Variants in CBLN2 observed in about 807,000 individuals in gnomAD.
The protein encoded by CBLN2 is cerebellin 2 precursor, also known as cerebellin-2.
In CBLN2, 7 loss-of-function variants were observed where a neutral mutation model predicts 15.0. The ratio of observed to expected loss-of-function variants is 0.47; its 90% confidence interval spans 0.27 to 0.88. The LOEUF is 0.88. Ranked by LOEUF, CBLN2 falls within the 40% of genes least tolerant of loss-of-function variation. The pLI, the probability that CBLN2 is intolerant of heterozygous loss-of-function variation, is 0.14. For synonymous variants in CBLN2, 149 were observed against 135.2 expected (o/e 1.10, Z -0.71); for missense variants, 242 against 304.5 (o/e 0.79, Z 1.53).
chr18:72,563,044 C>T (rs2069271808), intron 1 of CBLN2, among the ~76,000 whole-genome samples: 1 of 152,180 alleles, frequency 6.6e-6, no homozygotes, highest in Admixed American at 6.5e-5. Flanking sequence ...TTAAAATCAG[C>T]ACATATAGAT....
chr18:72,631,970 G>T (rs534013323), intron 1 of CBLN2, among the ~76,000 whole-genome samples: 1 of 151,190 alleles, frequency 6.6e-6, no homozygotes. Flanking sequence ...ATTAAAATTA[G>T]ACTTATCTCC....
intron 1 of CBLN2, among the ~76,000 whole-genome samples, chr18:72,570,821 G>A (rs1199792302): frequency 6.6e-6 from 1 of 152,166 alleles, no homozygotes; most frequent in Non-Finnish European, 1.5e-5. Flanking sequence ...CCTCAGCTGA[G>A]ATTGGCTACT....
At chr18:72,559,049 C>T (rs147734826) in intron 1 of CBLN2, among the ~76,000 whole-genome samples, 1 of 152,252 alleles carries the variant, frequency 6.6e-6, no homozygotes, top group East Asian at 1.9e-4. Flanking sequence ...GAGTGAGACC[C>T]TGTCTCAATT....
intron 1 of CBLN2, among the ~76,000 whole-genome samples, chr18:72,632,140 TACTC>T (rs2069781446): frequency 6.6e-6 from 1 of 152,144 alleles, no homozygotes; most frequent in Non-Finnish European, 1.5e-5. Flanking sequence ...ATAATTTACT[TACTC>T]TTTGTTAAGC....
At chr18:72,624,986 A>T (rs2069725425) in intron 1 of CBLN2, among the ~76,000 whole-genome samples, 1 of 152,228 alleles carries the variant, frequency 6.6e-6, no homozygotes, top group African/African-American at 2.4e-5. Flanking sequence ...TAGGAAAAGT[A>T]AAGAAAAAAA....
intron 1 of CBLN2, among the ~76,000 whole-genome samples, chr18:72,630,651 C>T (rs906108483): frequency 1.3e-5 from 2 of 151,868 alleles, no homozygotes; most frequent in African/African-American, 4.8e-5. Flanking sequence ...TACAAGGACA[C>T]TTAGCCTGTT....
chr18:72,627,756 C>T (rs2069749948), intron 1 of CBLN2, among the ~76,000 whole-genome samples: 1 of 152,144 alleles, frequency 6.6e-6, no homozygotes, highest in Non-Finnish European at 1.5e-5. Context: ...AAGATCAGAG[C>T]CTTTCTAAAA....
At chr18:72,612,387 C>T (rs770092518) in intron 1 of CBLN2, among the ~76,000 whole-genome samples, 1 of 152,176 alleles carries the variant, frequency 6.6e-6, no homozygotes, top group Non-Finnish European at 1.5e-5. Flanking sequence ...TGAACACTCA[C>T]ATTTGTTGTG....
chr18:72,624,933 G>C (rs537518009), intron 1 of CBLN2, among the ~76,000 whole-genome samples: 8 of 152,170 alleles, frequency 5.3e-5, no homozygotes, highest in Non-Finnish European at 1.0e-4. Flanking sequence ...CAATGTATGG[G>C]GCAAATGATA....
At chr18:72,636,316 C>A (rs1323545632) in intron 1 of CBLN2, among the ~76,000 whole-genome samples, 2 of 152,126 alleles carry the variant, frequency 1.3e-5, no homozygotes, top group Non-Finnish European at 2.9e-5. Context: ...ATACAACAAG[C>A]ACAACTGATT....
intron 1 of CBLN2, among the ~76,000 whole-genome samples, chr18:72,595,391 ATAAT>A (rs1473374183): frequency 6.6e-6 from 1 of 152,134 alleles, no homozygotes; most frequent in Admixed American, 6.5e-5. Flanking sequence ...ATCAGAGAAG[ATAAT>A]TAATATAATT....
At chr18:72,552,066 C>G (rs2144882536) in intron 1 of CBLN2, among the ~76,000 whole-genome samples, 1 of 150,612 alleles carries the variant, frequency 6.6e-6, no homozygotes, top group South Asian at 2.1e-4. Context: ...CTGAATTTCA[C>G]TGTTTATTAA....
chr18:72,620,230 G>A (rs2069691071), intron 1 of CBLN2: 1 of 152,254 alleles, frequency 6.6e-6, no homozygotes, highest in Non-Finnish European at 1.5e-5. Flanking sequence ...CACTACTGAG[G>A]GCAAAGGGCC....
intron 1 of CBLN2, among the ~76,000 whole-genome samples, chr18:72,603,557 C>T (rs1349749519): frequency 6.6e-6 from 1 of 152,208 alleles, no homozygotes; most frequent in Admixed American, 6.5e-5. Context: ...TCTTGCCTTG[C>T]TCAGAATAAT....
chr18:72,601,780 C>T (rs531848666), intron 1 of CBLN2, among the ~76,000 whole-genome samples: 3 of 152,254 alleles, frequency 2.0e-5, no homozygotes, highest in Admixed American at 6.5e-5. Flanking sequence ...AGCCTATAAG[C>T]GGGAGGGGGG....
intron 1 of CBLN2, chr18:72,620,602 A>G (rs1043647598): frequency 1.1e-4 from 17 of 152,226 alleles, no homozygotes; most frequent in African/African-American, 4.1e-4. Context: ...TGTTGGTAGT[A>G]TAGGAAAAGG....
chr18:72,597,464 T>C (rs1014908712), intron 1 of CBLN2, among the ~76,000 whole-genome samples: 6 of 152,170 alleles, frequency 3.9e-5, no homozygotes, highest in African/African-American at 1.4e-4. Context: ...ATGGCCACTA[T>C]CACAGAGATT....
chr18:72,538,805 G>T, intron 3 of CBLN2, 33 bp from the exon 4 acceptor site: 1 of 1,608,538 alleles, frequency 6.2e-7, no homozygotes. Flanking sequence ...GCACACAATG[G>T]CAAGCCCCTC....
intron 1 of CBLN2, among the ~76,000 whole-genome samples, chr18:72,635,366 T>C (rs543258466): frequency 1.2e-4 from 18 of 152,306 alleles, no homozygotes; most frequent in African/African-American, 3.8e-4. Flanking sequence ...GTTTTTATTT[T>C]CTTATATTCT....
Sources: gnomAD v4.1 joint callset for allele counts (sites outside exome capture counted in the v4.1 genomes callset) on GRCh38, gnomAD v4.1.1 for gene constraint, MANE v1.5 for transcripts, NCBI Gene and HGNC (gene_info 2026-07-23, HGNC 2026-07-21) for gene names.